Variants in DYNC2H1 observed in about 807,000 individuals in gnomAD.
DYNC2H1 encodes dynein cytoplasmic 2 heavy chain 1.
In DYNC2H1, 410 loss-of-function variants were observed where a neutral mutation model predicts 570.0. The ratio of observed to expected loss-of-function variants is 0.72; its 90% confidence interval spans 0.66 to 0.78. The LOEUF (loss-of-function observed/expected upper bound fraction) is 0.78, where lower values mean the gene tolerates loss of function less well. DYNC2H1 is among the 30% of genes least tolerant of loss of function. The pLI, the probability that DYNC2H1 is intolerant of heterozygous loss-of-function variation, is 0.00. For missense variants in DYNC2H1, 4,865 were observed against 5,046.4 expected, an observed-to-expected ratio of 0.96 and a Z score of 1.09; for synonymous variants, 1,688 against 1,677.6, an observed-to-expected ratio of 1.01 and a Z score of -0.15.
chr11:103,231,325 A>G lies in DYNC2H1; in HGVS notation c.9419A>G (p.Lys3140Arg). The G allele has an allele frequency of 1.9e-6, 3 of 1,605,742 alleles. No homozygotes were observed. The South Asian group carries it at 3.4e-5, about 18-fold the overall frequency. ...LEELLNSVGQ[K>R]VSELKEKFQS... Reference sequence around the variant, plus strand: ...GAGCTTCTTAATTCTGTTGGTCAAAAGGTATCAGAACTCAAAGAAAAGTAA... The same window carrying G: ...GAGCTTCTTAATTCTGTTGGTCAAAGGGTATCAGAACTCAAAGAAAAGTAA... The change falls in exon 60 of 89, where the codon AAG becomes AGG. Residue 3140 changes from lysine (K) to arginine (R), a missense_variant. Physicochemically the swap from Lys to Arg is conservative, Grantham distance 26. Around this residue, in one of 5 missense-constraint regions of DYNC2H1, gnomAD observed 2,401 missense variants for 2,454.6 expected, o/e 0.98. Transcript: ENST00000375735.
intron 58 of DYNC2H1, 84 bp from the exon 59 acceptor site, chr11:103,222,881 G>A: frequency 1.3e-6 from 2 of 1,547,182 alleles, no homozygotes; most frequent in Non-Finnish European, 1.8e-6. Flanking sequence ...GTTAATAAGT[G>A]CCCAAATAAA....
rs756617104 is a variant in DYNC2H1, at chr11:103,134,321, G to T, written c.2107G>T (p.Val703Leu). ...RKWHTTFCEKVVVLMNIDLLR... is the reference protein window; with the variant it reads ...RKWHTTFCEKLVVLMNIDLLR... Reference sequence around the variant, plus strand: ...ACTAGCATGCTCTAATTTTTCATAGGTGGTTGTTCTTATGAATATTGATCT... The same window carrying T: ...ACTAGCATGCTCTAATTTTTCATAGTTGGTTGTTCTTATGAATATTGATCT... Residue 703 changes from valine to leucine, a missense_variant and splice_region_variant, in exon 15 of 89, where the codon GTG becomes TTG. Coordinates refer to ENST00000375735, the MANE Select transcript of DYNC2H1 (RefSeq NM_001377.3). The T allele has an allele frequency of 4.3e-6, 7 of 1,612,296 alleles. No homozygotes were observed. The highest frequency in any genetic ancestry group is 5.9e-6 in the Non-Finnish European group (7 of 1,178,852).
intron 40 of DYNC2H1, 128 bp downstream of exon 40, chr11:103,182,014 A>AGAGAATTAAGATCTGT: frequency 1.1e-6 from 1 of 905,476 alleles, no homozygotes; most frequent in South Asian, 1.9e-5. Context: ...GGATTTTGTC[A>AGAGAATTAAGATCTGT]CTGCTACTCC....
At position 103,414,490 on chromosome 11, in the gene DYNC2H1, G is replaced by A. The variant is rs748220821; in HGVS notation, c.12366+14618G>A. ...AAAAATTAGCTGGGCTTGGTGGCAC[G>A]TGCCTGTAATCCCAGCTACTCGGGA... On this transcript the variant is annotated intron_variant, in intron 84 of 88. Coordinates refer to ENST00000375735, the MANE Select transcript of DYNC2H1 (RefSeq NM_001377.3). Among the ~76,000 whole-genome samples, 37 of 151,976 alleles carry A rather than the reference G, an allele frequency of 2.4e-4. 1 individual carries two copies. The highest frequency in any genetic ancestry group is 3.9e-4 in the East Asian group (2 of 5,174).
chr11:103,358,236 T>C lies in DYNC2H1; in HGVS notation c.12040-7T>C, dbSNP rs1320734602. On this transcript the variant is annotated splice_polypyrimidine_tract_variant and splice_region_variant and intron_variant, in intron 82 of 88. Transcript: ENST00000375735. ...TATTTGTTGATACTTATTATTTTTT[T>C]ATTCAGGTTATTTCACAGTTGAGGA... The C allele has an allele frequency of 4.0e-6, 6 of 1,497,010 alleles. No individual in the cohort carries two copies. The highest frequency in any genetic ancestry group is 5.4e-6 in the Non-Finnish European group (6 of 1,104,618). 92.7% of individuals were successfully genotyped at this position (1,497,010 alleles called of 1,614,324 possible).
intron 70 of DYNC2H1, among the ~76,000 whole-genome samples, chr11:103,267,606 C>T (rs1865561290): frequency 1.3e-5 from 2 of 151,770 alleles, no homozygotes; most frequent in South Asian, 2.1e-4. Context: ...TGTATTATCT[C>T]ATGCAATACT....
chr11:103,278,609 G>T (rs1458324500), intron 70 of DYNC2H1, among the ~76,000 whole-genome samples: 3 of 151,576 alleles, frequency 2.0e-5, no homozygotes, highest in Non-Finnish European at 4.4e-5. Flanking sequence ...TTGCTGCCAA[G>T]GCTGGAGTAT....
Position 103,155,418 on chromosome 11 carries a change from A to G in DYNC2H1, c.3661A>G (p.Arg1221Gly). The part of the protein sequence containing the change: ...LDLFRLLGLP[R>G]GTSLEKLLFG... ...CCTTTTTCGTCTCCTTGGACTTCCT[A>G]GGGGGACTAGTCTAGAGAAACTACT... The change falls in exon 25 of 89, where the codon AGG becomes GGG. Residue 1221 changes from arginine to glycine, a missense_variant. Physicochemically the swap from Arg to Gly is moderately radical, Grantham distance 125. This residue lies in a region of DYNC2H1 where 1,936 missense variants were observed against 1,962.1 expected (regional missense o/e 0.99). Coordinates refer to ENST00000375735, the MANE Select transcript of DYNC2H1 (RefSeq NM_001377.3). 6.2e-7 allele frequency: 1 copy of G among 1,611,578 alleles called. No homozygotes were observed. The highest frequency in any genetic ancestry group is 1.1e-5 in the South Asian group (1 of 90,882).
intron 84 of DYNC2H1, among the ~76,000 whole-genome samples, chr11:103,416,242 A>G (rs1011820640): frequency 6.6e-6 from 1 of 152,220 alleles, no homozygotes; most frequent in African/African-American, 2.4e-5. Context: ...TGGCACATAT[A>G]TACCTATGTA....
At chr11:103,348,190 G>A (rs7107436) in intron 82 of DYNC2H1, among the ~76,000 whole-genome samples, 10,285 of 152,154 alleles carry the variant, frequency 0.068, 362 homozygotes, top group Non-Finnish European at 0.076. Context: ...TTTTCCACCA[G>A]AATAACCAGT....
At chr11:103,332,561 A>G (rs967345322) in intron 82 of DYNC2H1, among the ~76,000 whole-genome samples, 1 of 152,186 alleles carries the variant, frequency 6.6e-6, no homozygotes, top group Admixed American at 6.5e-5. Flanking sequence ...AACACACACC[A>G]CATACAAGAA....
At position 103,468,648 on chromosome 11, in the gene DYNC2H1, G is replaced by A; in HGVS notation, c.12708G>A (p.Gln4236=). Residue 4236 remains glutamine, a synonymous_variant, in exon 88 of 89, where the codon CAG becomes CAA. Transcript: ENST00000375735. ...SFDGNQLSEN[Q]LDSPSVSSVL... is the part of the protein sequence containing the mutation. ...ATGGAAATCAACTTTCTGAAAATCA[G>A]CTTGATTCTCCCAGCGTGTCATCAG... The A allele has an allele frequency of 1.2e-6, 2 of 1,613,784 alleles. No homozygotes were observed. The highest frequency in any genetic ancestry group is 2.2e-5 in the South Asian group (2 of 91,046).
At chr11:103,378,207 T>G (rs971581596) in intron 83 of DYNC2H1, among the ~76,000 whole-genome samples, 3 of 152,210 alleles carry the variant, frequency 2.0e-5, no homozygotes, top group Admixed American at 6.5e-5. Flanking sequence ...TACCCTACTC[T>G]CTCCCAAATC....
In DYNC2H1 at chr11:103,189,214, T is replaced by C. The variant is rs750627315; in HGVS notation, c.7293-458T>C. On this transcript the variant is annotated intron_variant, in intron 44 of 88. Coordinates refer to ENST00000375735, the MANE Select transcript of DYNC2H1 (RefSeq NM_001377.3). The surrounding 1 kb of genome is among the most constrained non-coding windows in gnomAD (Gnocchi z 4.3). ...AATTGTACTCCATCAATTAAACTTT[T>C]TTTTTTCTAGAAATATTCCTGCTGC... 5.9e-5 allele frequency among the ~76,000 whole-genome samples: 9 copies of C among 152,132 alleles called. No individual in the cohort carries two copies. Among genetic ancestry groups the C allele is most frequent in the Non-Finnish European group, 1.2e-4 (8 of 68,008 alleles).
At chr11:103,393,992 C>T (rs1409450452) in intron 83 of DYNC2H1, among the ~76,000 whole-genome samples, 1 of 152,120 alleles carries the variant, frequency 6.6e-6, no homozygotes, top group Non-Finnish European at 1.5e-5. Flanking sequence ...GTCCCTCCCA[C>T]AACATATGGG....
At chr11:103,361,244 C>A (rs1176005598) in intron 83 of DYNC2H1, among the ~76,000 whole-genome samples, 1 of 152,148 alleles carries the variant, frequency 6.6e-6, no homozygotes, top group Non-Finnish European at 1.5e-5. Flanking sequence ...ATAGAGCCCT[C>A]ACAAATAGGA....
Position 103,461,131 on chromosome 11 carries a change from C to T in DYNC2H1, c.12648+4775C>T, listed in dbSNP as rs77977970. Among the ~76,000 whole-genome samples, 24,795 of 152,058 alleles carry T rather than the reference C, an allele frequency of 0.16. 2,185 individuals carry two copies. Among genetic ancestry groups the T allele is most frequent in the Admixed American group, 0.25 (3,753 of 15,272 alleles). ...TCGCCTGCAGTTTCCAATAATGTTA[C>T]CAGGGAAGAAGTCTTTGTAAGGCTT... On this transcript the variant is annotated intron_variant, in intron 87 of 88. Transcript: ENST00000375735. The surrounding 1 kb of genome is among the most constrained non-coding windows in gnomAD (Gnocchi z 4.8).
chr11:103,239,226 AT>A lies in DYNC2H1; in HGVS notation c.9819+2696del, dbSNP rs201592078. Among the ~76,000 whole-genome samples the A allele has an allele frequency of 1.3e-5, 2 of 151,656 alleles. No individual in the cohort carries two copies. The highest frequency in any genetic ancestry group is 2.9e-5 in the Non-Finnish European group (2 of 67,900). ...GTTTTAACCACTCAAAATTTCATAG[AT>A]TTTTTTTTCTTGCTGCCTTTTGGTA... is the stretch of plus-strand genomic sequence containing the variant. On this transcript the variant is annotated intron_variant, in intron 63 of 88. Transcript: ENST00000375735. This position sits in a 1 kb window ranked among gnomAD's most constrained non-coding sequence, Gnocchi z 4.3.
At chr11:103,444,400 C>G (rs1222153070) in intron 85 of DYNC2H1, among the ~76,000 whole-genome samples, 1 of 151,946 alleles carries the variant, frequency 6.6e-6, no homozygotes, top group Non-Finnish European at 1.5e-5. Context: ...GTTGACAGTA[C>G]TAACATTGTT....
Sources: gnomAD v4.1 joint callset for allele counts (sites outside exome capture counted in the v4.1 genomes callset) on GRCh38, gnomAD v4.1.1 for gene constraint, gnomAD v4.1.1 regional missense constraint, Gnocchi (gnomAD v3.1) non-coding constraint, MANE v1.5 for transcripts, NCBI Gene and HGNC (gene_info 2026-07-23, HGNC 2026-07-21) for gene names.